Variants in COL22A1 observed in about 807,000 individuals in gnomAD.
The protein encoded by COL22A1 is collagen type XXII alpha 1 chain, also known as collagen alpha-1(XXII) chain.
In COL22A1, 221 loss-of-function variants were observed where a neutral mutation model predicts 248.9. The ratio of observed to expected loss-of-function variants is 0.89; its 90% confidence interval spans 0.80 to 0.99. COL22A1 has a LOEUF of 0.99. COL22A1 is among the 50% of genes least tolerant of loss of function. The probability of loss-of-function intolerance (pLI) is 0.00; values close to 1 mark genes in which losing one functional copy is unlikely to be tolerated. For missense variants in COL22A1, 2,240 were observed against 2,179.0 expected (o/e 1.03, Z -0.56); for synonymous variants, 891 against 793.4 (o/e 1.12, Z -2.07).
chr8:138,891,092 T>C (rs1825036403), intron 1 of COL22A1, among the ~76,000 whole-genome samples: 1 of 152,120 alleles, frequency 6.6e-6, no homozygotes, highest in Non-Finnish European at 1.5e-5. Flanking sequence ...GGAAAATGAT[T>C]TCATTCATTT....
chr8:138,852,287 G>A (rs1042658890), intron 3 of COL22A1, among the ~76,000 whole-genome samples: 1 of 152,230 alleles, frequency 6.6e-6, no homozygotes, highest in South Asian at 2.1e-4. Context: ...AGTGGTCGGG[G>A]GGAAGGGATG....
In COL22A1 at chr8:138,655,930, T is replaced by G; in HGVS notation, c.3300A>C (p.Leu1100=). 6.2e-7 allele frequency: 1 copy of G among 1,612,396 alleles called. No homozygotes were observed. The highest frequency in any genetic ancestry group is 1.1e-5 in the South Asian group (1 of 90,998). The part of the protein sequence containing the change: ...GPPGKPGLSS[L]LSPGDINLLA... ...AGAGATTTATGTCCCCTGGAGACAG[T>G]AGTGAAGAGAGGCCCTGTCAAAATA... Residue 1100 remains leucine, a synonymous_variant, in exon 45 of 65, where the codon CTA becomes CTC. Coordinates refer to ENST00000303045, the MANE Select transcript of COL22A1 (RefSeq NM_152888.3).
intron 3 of COL22A1, among the ~76,000 whole-genome samples, chr8:138,854,761 G>C (rs1057474868): frequency 2.6e-5 from 4 of 152,132 alleles, no homozygotes; most frequent in Non-Finnish European, 5.9e-5. Context: ...TCTTCTCATA[G>C]AGACAGCTTG....
intron 46 of COL22A1, among the ~76,000 whole-genome samples, chr8:138,648,447 ACT>A (rs967380404): frequency 1.3e-5 from 2 of 152,100 alleles, no homozygotes; most frequent in African/African-American, 2.4e-5. Flanking sequence ...AAGAGGCTTA[ACT>A]CTCTCTTTTT....
At chr8:138,716,161 A>C in intron 29 of COL22A1, 66 bp downstream of exon 29, 2 of 1,266,454 alleles carry the variant, frequency 1.6e-6, no homozygotes, top group Non-Finnish European at 2.2e-6. Context: ...GAGACTCCAC[A>C]GGGGGCTGCT....
intron 2 of COL22A1, among the ~76,000 whole-genome samples, chr8:138,878,654 A>T (rs994393546): frequency 6.6e-6 from 1 of 152,136 alleles, no homozygotes; most frequent in Non-Finnish European, 1.5e-5. Flanking sequence ...TTATTTTTCA[A>T]CCTACCCCAA....
intron 50 of COL22A1, 53 bp downstream of exon 50, chr8:138,630,642 C>T: frequency 6.5e-7 from 1 of 1,537,370 alleles, no homozygotes; most frequent in Non-Finnish European, 9.0e-7. Flanking sequence ...ACCTGGGGTT[C>T]CAGAAAGGCT....
chr8:138,593,954 G>T, intron 63 of COL22A1, 63 bp downstream of exon 63: 2 of 1,319,326 alleles, frequency 1.5e-6, no homozygotes, highest in African/African-American at 1.5e-5. Flanking sequence ...CCACCTCCCA[G>T]CCCTGTTCCT....
At chr8:138,810,092 ATAAC>A (rs796707427) in intron 9 of COL22A1, among the ~76,000 whole-genome samples, 33 of 152,340 alleles carry the variant, frequency 2.2e-4, no homozygotes, top group African/African-American at 7.9e-4. Flanking sequence ...TGCTAAATGA[ATAAC>A]TATTGAATGG....
At chr8:138,774,025 A>C (rs1032520381) in intron 16 of COL22A1, among the ~76,000 whole-genome samples, 4 of 152,028 alleles carry the variant, frequency 2.6e-5, no homozygotes, top group Non-Finnish European at 5.9e-5. Flanking sequence ...AGCCTCAGTT[A>C]CTCCAAATGC....
At chr8:138,626,437 A>G (rs926681139) in intron 50 of COL22A1, among the ~76,000 whole-genome samples, 194 bp from the exon 51 acceptor site, 1 of 152,224 alleles carries the variant, frequency 6.6e-6, no homozygotes, top group African/African-American at 2.4e-5. Context: ...GGCTGAGCAT[A>G]GCCACCCCTG....
At chr8:138,703,283 G>A (rs765925743) in intron 31 of COL22A1, 23 bp downstream of exon 31, 1 of 1,605,718 alleles carries the variant, frequency 6.2e-7, no homozygotes, top group South Asian at 1.1e-5. Context: ...AGAGGAGAAA[G>A]AATTAGAAGC....
intron 39 of COL22A1, among the ~76,000 whole-genome samples, chr8:138,679,928 C>T (rs577569161): frequency 4.3e-4 from 65 of 152,298 alleles, no homozygotes; most frequent in African/African-American, 1.4e-3. Flanking sequence ...GAGGAGGCAG[C>T]ATGACAGAAA....
rs117108521 is a variant in COL22A1, at chr8:138,604,721, G to C, written c.4140+13C>G. ...AAGGGTTGCCAAGGGGTGAGTGGGC[G>C]TGTGATACTTGCCTCCTTGCCTGGG... is the stretch of plus-strand genomic sequence containing the variant. On this transcript the variant is annotated intron_variant, in intron 59 of 64. Transcript: ENST00000303045. The C allele has an allele frequency of 1.9e-6, 3 of 1,612,022 alleles. No individual in the cohort carries two copies. In the Middle Eastern group the frequency reaches 4.9e-4, roughly 266 times the overall value.
Position 138,609,755 on chromosome 8 carries a change from C to A in COL22A1, c.3979-1766G>T, listed in dbSNP as rs115513517. 2.0e-4 allele frequency among the ~76,000 whole-genome samples: 30 copies of A among 152,222 alleles called. 1 individual carries two copies. The highest frequency in any genetic ancestry group is 7.2e-4 in the African/African-American group (30 of 41,534). On this transcript the variant is annotated intron_variant, in intron 56 of 64. Transcript: ENST00000303045. ...ATTGCAGAGAGGATAAGGGCCAAGA[C>A]ACAGTAGCATACGGTGCCAACACAG... is the stretch of plus-strand genomic sequence containing the variant.
Position 138,818,438 on chromosome 8 carries a change from A to G in COL22A1, c.1245+2698T>C, listed in dbSNP as rs569211410. Among the ~76,000 whole-genome samples, 10 of 152,364 alleles carry G rather than the reference A, an allele frequency of 6.6e-5. No homozygotes were observed. The South Asian group carries it at 2.1e-3, about 32-fold the overall frequency. ...GACCGTGATGCACACTCTGAGGGAG[A>G]TAACAGTGATCCTTATTGTGTCATA... On this transcript the variant is annotated intron_variant, in intron 7 of 64. Transcript: ENST00000303045.
intron 12 of COL22A1, among the ~76,000 whole-genome samples, chr8:138,789,946 T>C (rs1815881172): frequency 6.6e-6 from 1 of 152,248 alleles, no homozygotes; most frequent in Admixed American, 6.5e-5. Context: ...TCACCAGTGC[T>C]GGCCAATAAG....
At chr8:138,707,879 A>C (rs1277253569) in intron 30 of COL22A1, among the ~76,000 whole-genome samples, 3 of 152,218 alleles carry the variant, frequency 2.0e-5, no homozygotes, top group Admixed American at 6.5e-5. Context: ...TTGTATATTT[A>C]GAAAACCCCA....
At chr8:138,642,752 C>A (rs561224928) in intron 47 of COL22A1, among the ~76,000 whole-genome samples, 1 of 152,102 alleles carries the variant, frequency 6.6e-6, no homozygotes, top group Non-Finnish European at 1.5e-5. Flanking sequence ...CAATTCTAGC[C>A]GGGTGCGGTG....
Sources: gnomAD v4.1 joint callset for allele counts (sites outside exome capture counted in the v4.1 genomes callset) on GRCh38, gnomAD v4.1.1 for gene constraint, MANE v1.5 for transcripts, NCBI Gene and HGNC (gene_info 2026-07-23, HGNC 2026-07-21) for gene names.